The following BBS2 variants were observed in gnomAD, a reference collection of about 807,000 sequenced individuals.
BBS2 encodes the protein Bardet-Biedl syndrome 2.
A neutral mutation model predicts 83.0 loss-of-function variants in BBS2; 62 were observed. The ratio of observed to expected loss-of-function variants is 0.75; its 90% CI spans 0.61 to 0.92. The LOEUF is 0.92. Ranked by LOEUF, BBS2 falls within the 40% of genes least tolerant of loss-of-function variation. BBS2 has a pLI of 0.00. For synonymous variants in BBS2, 303 were observed against 326.1 expected (o/e 0.93, Z 0.76); for missense variants, 784 against 901.0 (o/e 0.87, Z 1.66).
intron 10 of BBS2, 115 bp from the exon 11 acceptor site, chr16:56,501,140 C>A (rs1964259617): frequency 7.3e-7 from 1 of 1,374,208 alleles, no homozygotes; most frequent in African/African-American, 1.4e-5. Flanking sequence ...GAAACCCTAT[C>A]TCTACTAAAA....
intron 15 of BBS2, among the ~76,000 whole-genome samples, chr16:56,491,198 A>G (rs1402570785): frequency 6.6e-6 from 1 of 152,208 alleles, no homozygotes; most frequent in African/African-American, 2.4e-5. Context: ...GTCCCCGCCA[A>G]AACTCATGTT....
chr16:56,511,105 C>T, intron 3 of BBS2, 54 bp downstream of exon 3: 1 of 1,610,522 alleles, frequency 6.2e-7, no homozygotes, highest in Non-Finnish European at 8.5e-7. Context: ...TAAAAAAGAA[C>T]ATTAAAAGTA....
At chr16:56,498,595 C>T in intron 12 of BBS2, 27 bp from the exon 13 acceptor site, 2 of 1,613,494 alleles carry the variant, frequency 1.2e-6, no homozygotes, top group Non-Finnish European at 1.7e-6. Context: ...ATGAAATGAC[C>T]TCCATTTTTA....
intron 15 of BBS2, among the ~76,000 whole-genome samples, chr16:56,492,066 T>C (rs1342220309): frequency 6.6e-6 from 1 of 151,486 alleles, no homozygotes; most frequent in African/African-American, 2.4e-5. Context: ...TATTAAAAAT[T>C]TAAATTTTTA....
In BBS2 at chr16:56,497,082, G is replaced by A. The variant is rs1964135165; in HGVS notation, c.1798-3C>T. ...TGCACTGAATGATATTCATCCACCT[G>A]GAGACCATGAACACTCAGGAATGAA... On this transcript the variant is annotated splice_region_variant and splice_polypyrimidine_tract_variant and intron_variant, in intron 14 of 16. Coordinates refer to ENST00000245157, the MANE Select transcript of BBS2 (RefSeq NM_031885.5). 6.3e-7 allele frequency: 1 copy of A among 1,591,390 alleles called. No homozygotes were observed.
downstream of BBS2, among the ~76,000 whole-genome samples, chr16:56,482,792 C>T (rs1963684606): frequency 6.6e-6 from 1 of 152,174 alleles, no homozygotes; most frequent in Admixed American, 6.5e-5. Flanking sequence ...AGACTGCTAG[C>T]TATTGGCACA....
chr16:56,480,365 A>C (rs1348050867), downstream of BBS2, among the ~76,000 whole-genome samples: 2 of 141,116 alleles, frequency 1.4e-5, no homozygotes, highest in Admixed American at 7.0e-5. Context: ...AAAAAAAAAA[A>C]CAAAAAAAAA....
chr16:56,475,153 A>C (rs1407883241), intron 17 of BBS2, among the ~76,000 whole-genome samples: 4 of 152,192 alleles, frequency 2.6e-5, no homozygotes, highest in African/African-American at 9.7e-5. Context: ...GTGACTAGGA[A>C]ATGGGGAGAT....
chr16:56,485,786 A>C, intron 15 of BBS2, 48 bp from the exon 16 acceptor site: 1 of 1,596,552 alleles, frequency 6.3e-7, no homozygotes, highest in Non-Finnish European at 8.6e-7. Flanking sequence ...TGATATGGCA[A>C]GCTTAAGAAA....
Position 56,484,887 on chromosome 16 carries a change from A to G in BBS2, c.2060-20T>C. The G allele has an allele frequency of 1.3e-6, 2 of 1,565,700 alleles. No individual in the cohort carries two copies. Among genetic ancestry groups the G allele is most frequent in the South Asian group, 2.2e-5 (2 of 90,024 alleles). ...TTCCAACTGCATAAGAAGAAACATCAGGAACCAAAAGATTGTTAGACATGA... is the reference window on the plus strand; with the variant it reads ...TTCCAACTGCATAAGAAGAAACATCGGGAACCAAAAGATTGTTAGACATGA... On this transcript the variant is annotated intron_variant, in intron 16 of 16. Transcript: ENST00000245157.
Position 56,510,784 on chromosome 16 carries a change from T to C in BBS2, c.534+75A>G. 5 of 1,503,748 alleles carry C rather than the reference T, an allele frequency of 3.3e-6. No homozygotes were observed. The South Asian group carries it at 5.6e-5, about 17-fold the overall frequency. The allele number at this position is 1,503,748 out of a possible 1,614,324, so 93.2% of individuals were successfully genotyped here. ...CAGCCAGGAGAAGCTTACACTTCTG[T>C]CAACACTAATGTCACTGTCATGGCA... is the stretch of plus-strand genomic sequence containing the variant. On this transcript the variant is annotated intron_variant, in intron 4 of 16. Coordinates refer to ENST00000245157, the MANE Select transcript of BBS2 (RefSeq NM_031885.5).
Position 56,499,788 on chromosome 16 carries a change from C to A in BBS2, c.1517G>T (p.Arg506Leu). ...AAGCGAGATACTCACCCTCTGTGCC[C>A]GTTCTGCAATGGTAAAGTTAACATA... ...ISYVNFTIAE[R>L]AQRVVVWLGQ... The change falls in exon 12 of 17, where the codon CGG (arginine) becomes CTG (leucine). Residue 506 changes from arginine to leucine, a missense_variant. Coordinates refer to ENST00000245157, the MANE Select transcript of BBS2 (RefSeq NM_031885.5). The A allele has an allele frequency of 6.2e-7, 1 of 1,614,076 alleles. No individual in the cohort carries two copies. The highest frequency in any genetic ancestry group is 8.5e-7 in the Non-Finnish European group (1 of 1,179,980).
chr16:56,505,851 A>T, intron 7 of BBS2, 99 bp downstream of exon 7: 1 of 903,606 alleles, frequency 1.1e-6, no homozygotes, highest in Non-Finnish European at 1.8e-6. Context: ...GAACGAACTG[A>T]AGTTTACATC....
chr16:56,500,898 G>C lies in BBS2; in HGVS notation c.1353C>G (p.Val451=). 1 of 1,614,192 alleles carries C rather than the reference G, an allele frequency of 6.2e-7. No individual in the cohort carries two copies. Among genetic ancestry groups the C allele is most frequent in the Non-Finnish European group, 8.5e-7 (1 of 1,180,028 alleles). Residue 451 remains valine (V), a synonymous_variant, in exon 11 of 17, where the codon GTC becomes GTG. Transcript: ENST00000245157. ...ICIPIVPPKD[V]PVDLHLKAFV... Reference sequence around the variant, plus strand: ...ATGCCTTCAAGTGCAGATCCACAGGGACATCTTTGGGAGGCACAATAGGGA... The same window carrying C: ...ATGCCTTCAAGTGCAGATCCACAGGCACATCTTTGGGAGGCACAATAGGGA...
chr16:56,499,774 T>A lies in BBS2; in HGVS notation c.1527+4A>T. 3 of 1,614,052 alleles carry A rather than the reference T, an allele frequency of 1.9e-6. No homozygotes were observed. Among genetic ancestry groups the A allele is most frequent in the Non-Finnish European group, 2.5e-6 (3 of 1,179,946 alleles). On this transcript the variant is annotated splice_donor_region_variant and intron_variant, in intron 12 of 16. Transcript: ENST00000245157. The stretch of plus-strand genomic sequence containing the variant: ...GCATTGAAAGAGAAAAGCGAGATAC[T>A]CACCCTCTGTGCCCGTTCTGCAATG...
Position 56,471,903 on chromosome 16 carries a change from G to A in BBS2, c.*1-1208C>T, listed in dbSNP as rs1041125377. Among the ~76,000 whole-genome samples the A allele has an allele frequency of 2.0e-5, 3 of 152,198 alleles. No homozygotes were observed. In the East Asian group the frequency reaches 5.8e-4, roughly 29 times the overall value. On this transcript the variant is annotated intron_variant, in intron 17 of 17. Transcript: ENST00000682047. ...TAGACCCTAAGAGGAACCAGAGTCA[G>A]TATCCATGGAGTCTGTCTCAAAGGG... is the stretch of plus-strand genomic sequence containing the variant.
At chr16:56,480,824 G>T (rs1395845627), downstream of BBS2, among the ~76,000 whole-genome samples, 2 of 152,186 alleles carry the variant, frequency 1.3e-5, no homozygotes, top group African/African-American at 4.8e-5. Context: ...ATGGAAATGG[G>T]TGTCCTGATG....
downstream of BBS2, among the ~76,000 whole-genome samples, chr16:56,481,892 G>C (rs1205707828): frequency 6.6e-6 from 1 of 152,138 alleles, no homozygotes; most frequent in Non-Finnish European, 1.5e-5. Flanking sequence ...CTTCACACCA[G>C]GGCTTACCCA....
chr16:56,501,462 C>G lies in BBS2; in HGVS notation c.1116G>C (p.Gly372=). ...TATTGGCTGGGATTATGCCCCGATGCCCATCAGCCTCGTTCAGTGGACTGG... is the reference window on the plus strand; with the variant it reads ...TATTGGCTGGGATTATGCCCCGATGGCCATCAGCCTCGTTCAGTGGACTGG... ...ELASPLNEAD[G]HRGIIPANTR... is the part of the protein sequence containing the mutation. The change falls in exon 10 of 17, where the codon GGG becomes GGC. Residue 372 remains glycine, a synonymous_variant. Coordinates refer to ENST00000245157, the MANE Select transcript of BBS2 (RefSeq NM_031885.5). The G allele has an allele frequency of 6.2e-7, 1 of 1,614,114 alleles. No homozygotes were observed. Among genetic ancestry groups the G allele is most frequent in the Non-Finnish European group, 8.5e-7 (1 of 1,180,018 alleles).
Sources: allele counts gnomAD v4.1 joint callset (sites outside exome capture counted in the v4.1 genomes callset), GRCh38; gene constraint gnomAD v4.1.1; transcripts MANE v1.5; gene names NCBI Gene and HGNC (gene_info 2026-07-23, HGNC 2026-07-21).